The following LAD1 variants were observed in gnomAD, a reference collection of about 807,000 sequenced individuals.
LAD1 encodes ladinin 1, also known as ladinin-1.
LAD1 carries 53 observed loss-of-function variants against 54.2 expected under a neutral mutation model. The ratio of observed to expected loss-of-function variants is 0.98; its 90% confidence interval spans 0.78 to 1.23. The LOEUF (loss-of-function observed/expected upper bound fraction) is 1.23. Ranked by LOEUF, LAD1 falls within the 50% of genes most tolerant of loss-of-function variation. The probability of loss-of-function intolerance (pLI) is 0.00; values close to 1 mark genes in which losing one functional copy is unlikely to be tolerated. For missense variants in LAD1, 637 were observed against 653.3 expected (o/e 0.98, Z 0.27); for synonymous variants, 231 against 257.7 (o/e 0.90, Z 0.99).
rs770362559 is a variant in LAD1, at chr1:201,389,259, C to T, written c.83G>A (p.Arg28His). ...GTTGCGGTGCCGCCGCCTGCGCTCG[C>T]GCTCCTGTTCCTCCTCATCCTCCAG... ...RTLEDEEEQE[R>H]ERRRRHRNLS... Residue 28 changes from arginine to histidine, a missense_variant, in exon 2 of 10, where the codon CGC becomes CAC. Coordinates refer to ENST00000391967, the MANE Select transcript of LAD1 (RefSeq NM_005558.4). 3.5e-5 allele frequency: 56 copies of T among 1,613,882 alleles called. No homozygotes were observed. The highest frequency in any genetic ancestry group is 2.7e-4 in the South Asian group (25 of 91,086).
intron 7 of LAD1, 125 bp from the exon 8 acceptor site, chr1:201,382,864 C>A: frequency 1.1e-6 from 1 of 949,354 alleles, no homozygotes. Flanking sequence ...GCCACATATA[C>A]CTGGGACAGC....
chr1:201,385,150 C>A (rs1013651115), intron 4 of LAD1, among the ~76,000 whole-genome samples: 2 of 152,196 alleles, frequency 1.3e-5, no homozygotes, highest in Non-Finnish European at 2.9e-5. Flanking sequence ...GGGCACCAGT[C>A]GCTATTGGGC....
chr1:201,389,181 C>G lies in LAD1; in HGVS notation c.161G>C (p.Arg54Pro), dbSNP rs961881251. The G allele has an allele frequency of 4.3e-6, 7 of 1,614,162 alleles. No homozygotes were observed. The highest frequency in any genetic ancestry group is 5.1e-6 in the Non-Finnish European group (6 of 1,180,002). ...CTACCTCTCAGAAGCAGAGGCCTGCCGGTCTCCATTCTGGCTGAGCCTGGG... is the reference window on the plus strand; with the variant it reads ...CTACCTCTCAGAAGCAGAGGCCTGCGGGTCTCCATTCTGGCTGAGCCTGGG... ...EAPRLSQNGD[R>P]QASASERLPS... The change falls in exon 2 of 10, where the codon CGG (arginine) becomes CCG (proline). Residue 54 changes from arginine to proline, a missense_variant. Physicochemically the swap from Arg to Pro is moderately radical, Grantham distance 103. Coordinates refer to ENST00000391967, the MANE Select transcript of LAD1 (RefSeq NM_005558.4).
intron 1 of LAD1, among the ~76,000 whole-genome samples, chr1:201,390,270 G>T (rs1239884602): frequency 6.6e-5 from 10 of 151,564 alleles, no homozygotes; most frequent in African/African-American, 2.4e-4. Flanking sequence ...TTTAGGCCGG[G>T]CGCGGTGGCT....
intron 1 of LAD1, among the ~76,000 whole-genome samples, chr1:201,392,838 C>A (rs1002104600): frequency 7.9e-5 from 12 of 151,496 alleles, no homozygotes; most frequent in African/African-American, 2.9e-4. Context: ...AACAGAGGAC[C>A]CGTCAGAAGG....
At chr1:201,390,570 A>C (rs561017783) in intron 1 of LAD1, among the ~76,000 whole-genome samples, 1 of 152,232 alleles carries the variant, frequency 6.6e-6, no homozygotes, top group Non-Finnish European at 1.5e-5. Context: ...AGTTCAAATC[A>C]TACGTCTATC....
chr1:201,393,851 CTTTTT>C (rs35169716), intron 1 of LAD1, among the ~76,000 whole-genome samples: 19 of 112,248 alleles, frequency 1.7e-4, no homozygotes, highest in Non-Finnish European at 3.1e-4. Context: ...TTAAGTTTTG[CTTTTT>C]TTTTTTTTTT....
chr1:201,391,352 C>T (rs536354117), intron 1 of LAD1, among the ~76,000 whole-genome samples: 1 of 152,314 alleles, frequency 6.6e-6, no homozygotes, highest in South Asian at 2.1e-4. Flanking sequence ...CTACTACTCG[C>T]CCACACATCC....
rs770094076 is a variant in LAD1, at chr1:201,386,985, G to A, written c.376C>T (p.Gln126Ter). 3 of 1,609,238 alleles carry A rather than the reference G, an allele frequency of 1.9e-6. No individual in the cohort carries two copies. Among genetic ancestry groups the A allele is most frequent in the Non-Finnish European group, 2.5e-6 (3 of 1,178,048 alleles). Residue 126 changes from glutamine to a stop codon, truncating the protein, a stop_gained, in exon 3 of 10, where the codon CAG becomes TAG. Coordinates refer to ENST00000391967, the MANE Select transcript of LAD1 (RefSeq NM_005558.4). LOFTEE classifies it high-confidence loss of function. ...EEGRNSLSPV[Q>*]ATQKPLVSKK... is the part of the protein sequence containing the mutation. ...GAGACTAGGGGTTTCTGTGTGGCCT[G>A]CACAGGGCTCAAGCTGTTCCTCCCC...
intron 1 of LAD1, among the ~76,000 whole-genome samples, chr1:201,398,999 G>T (rs1410684135): frequency 6.6e-6 from 1 of 152,204 alleles, no homozygotes; most frequent in East Asian, 1.9e-4. Flanking sequence ...TCCACAGGGG[G>T]GGCCATATCC....
intron 1 of LAD1, among the ~76,000 whole-genome samples, chr1:201,394,644 G>T (rs1167836918): frequency 6.6e-6 from 1 of 152,186 alleles, no homozygotes; most frequent in Admixed American, 6.5e-5. Context: ...AGGCTCCAAA[G>T]TCCCACCTCT....
At chr1:201,387,247 A>G (rs1050640339) in intron 2 of LAD1, 69 bp from the exon 3 acceptor site, 44 of 1,391,806 alleles carry the variant, frequency 3.2e-5, no homozygotes, top group Admixed American at 1.1e-4. Flanking sequence ...ACCTAACCCA[A>G]TGGAGATGCT....
Position 201,386,770 on chromosome 1 carries a change from G to T in LAD1, c.591C>A (p.Ser197=), listed in dbSNP as rs34370053. 2 of 1,614,120 alleles carry T rather than the reference G, an allele frequency of 1.2e-6. No homozygotes were observed. The highest frequency in any genetic ancestry group is 8.5e-7 in the Non-Finnish European group (1 of 1,180,034). Residue 197 remains serine (S), a synonymous_variant, in exon 3 of 10, where the codon TCC becomes TCA. Coordinates refer to ENST00000391967, the MANE Select transcript of LAD1 (RefSeq NM_005558.4). The part of the protein sequence containing the change: ...KKTAPEKSLV[S]DKTSISEKVL... The stretch of plus-strand genomic sequence containing the variant: ...CCTTCTCAGAGATGGAGGTTTTATC[G>T]GAGACCAGGCTCTTTTCAGGTGCCG...
Position 201,386,601 on chromosome 1 carries a change from T to C in LAD1, c.760A>G (p.Arg254Gly). ...APGMALGSGR[R>G]LVSEKASIFE... ...ATGGAAGCTTTCTCAGACACCAGCC[T>C]CCTTCCTGAGCCCAGTGCCATCCCT... Residue 254 changes from arginine to glycine, a missense_variant, in exon 3 of 10, where the codon AGG becomes GGG. Coordinates refer to ENST00000391967, the MANE Select transcript of LAD1 (RefSeq NM_005558.4). The C allele has an allele frequency of 6.2e-7, 1 of 1,614,160 alleles. No homozygotes were observed. The highest frequency in any genetic ancestry group is 1.1e-5 in the South Asian group (1 of 91,082).
intron 6 of LAD1, 32 bp downstream of exon 6, chr1:201,383,285 C>A: frequency 1.9e-6 from 3 of 1,614,002 alleles, no homozygotes; most frequent in Non-Finnish European, 2.5e-6. Context: ...TCATCCTGCA[C>A]CCTCCGCCCC....
chr1:201,390,456 G>A (rs141698880), intron 1 of LAD1, among the ~76,000 whole-genome samples: 3 of 152,124 alleles, frequency 2.0e-5, no homozygotes, highest in Middle Eastern at 3.4e-3. Flanking sequence ...AGAATTGCTC[G>A]AACCTGGGAG....
intron 1 of LAD1, among the ~76,000 whole-genome samples, chr1:201,396,421 G>A (rs966646465): frequency 6.6e-6 from 1 of 151,792 alleles, no homozygotes; most frequent in African/African-American, 2.4e-5. Flanking sequence ...TCTACCCTGG[G>A]AACTTTCTTC....
chr1:201,392,056 G>A (rs1314227795), intron 1 of LAD1, among the ~76,000 whole-genome samples: 2 of 152,334 alleles, frequency 1.3e-5, no homozygotes, highest in African/African-American at 2.4e-5. Flanking sequence ...AGTTCCCACT[G>A]AGCCTGTCTC....
chr1:201,389,563 A>T (rs1343378591), intron 1 of LAD1, among the ~76,000 whole-genome samples: 1 of 152,142 alleles, frequency 6.6e-6, no homozygotes, highest in Non-Finnish European at 1.5e-5. Context: ...CTATGATCCT[A>T]GCACTTTAGG....
Sources: allele counts gnomAD v4.1 joint callset (sites outside exome capture counted in the v4.1 genomes callset), GRCh38; gene constraint gnomAD v4.1.1; transcripts MANE v1.5; gene names NCBI Gene and HGNC (gene_info 2026-07-23, HGNC 2026-07-21).